MAGI1: variants seen among roughly 807,000 people sequenced by gnomAD.
MAGI1 encodes the protein membrane associated guanylate kinase, WW and PDZ domain containing 1, also known as membrane-associated guanylate kinase, WW and PDZ domain-containing protein 1.
In MAGI1, 58 loss-of-function variants were observed where a neutral mutation model predicts 139.9. That is an observed-to-expected ratio of 0.41 (90% confidence interval 0.34 to 0.52). The LOEUF (loss-of-function observed/expected upper bound fraction) is 0.52, where lower values mean the gene tolerates loss of function less well. Among genes scored for constraint, MAGI1 ranks in the 20% least tolerant of loss-of-function variants. The pLI, the probability that MAGI1 is intolerant of heterozygous loss-of-function variation, is 0.12. For synonymous variants in MAGI1, 812 were observed against 737.9 expected (o/e 1.10, Z -1.63); for missense variants, 1,874 against 1,901.6 (o/e 0.99, Z 0.27).
intron 22 of MAGI1, chr3:65,360,701 T>C (rs1196444912): frequency 2.0e-6 from 2 of 992,146 alleles, no homozygotes; most frequent in Non-Finnish European, 2.4e-6. Context: ...TGGAGAAGTG[T>C]TGTATACAGA....
At chr3:65,786,608 A>ATTT (rs34768515) in intron 1 of MAGI1, among the ~76,000 whole-genome samples, 26 of 128,366 alleles carry the variant, frequency 2.0e-4, no homozygotes, top group Admixed American at 2.6e-4. Flanking sequence ...TGGCCCAAGA[A>ATTT]TTTTTTTTTT....
intron 1 of MAGI1, among the ~76,000 whole-genome samples, chr3:65,906,885 TAAA>T (rs200434571): frequency 1.6e-5 from 2 of 126,902 alleles, no homozygotes. Context: ...GACTCTGTCT[TAAA>T]AAAAAAAAAA....
chr3:65,423,384 GCACA>G (rs71102855), intron 12 of MAGI1, among the ~76,000 whole-genome samples: 3 of 151,446 alleles, frequency 2.0e-5, no homozygotes, highest in Non-Finnish European at 2.9e-5. Context: ...GCACACACGC[GCACA>G]CACACACACA....
chr3:65,485,085 C>A (rs1951546028), intron 3 of MAGI1, among the ~76,000 whole-genome samples: 1 of 152,134 alleles, frequency 6.6e-6, no homozygotes, highest in South Asian at 2.1e-4. Flanking sequence ...AGCCTGGGAT[C>A]CTCCTAAAAA....
rs143441869 is a variant in MAGI1 at position 65,734,570 on chromosome 3, GGA to G, written c.314-112484_314-112483del. On this transcript the variant is annotated intron_variant, in intron 1 of 22. Transcript: ENST00000402939. ...GAAAGAGAGAAAGAAAGAGAGAGAG[GGA>G]GAGAGAGAGAGAGAGGGAGAGAGAG... is the stretch of plus-strand genomic sequence containing the variant. Among the ~76,000 whole-genome samples the G allele has an allele frequency of 8.5e-4, 124 of 145,960 alleles. 1 individual carries two copies. Among genetic ancestry groups the G allele is most frequent in the South Asian group, 1.5e-3 (7 of 4,558 alleles).
chr3:65,408,236 C>T (rs1945509970), intron 12 of MAGI1, among the ~76,000 whole-genome samples: 1 of 152,058 alleles, frequency 6.6e-6, no homozygotes, highest in African/African-American at 2.4e-5. Flanking sequence ...GTAAGAGCAG[C>T]ATATAAGTAG....
chr3:65,692,948 A>G (rs1351164551), intron 1 of MAGI1, among the ~76,000 whole-genome samples: 1 of 152,064 alleles, frequency 6.6e-6, no homozygotes, highest in Non-Finnish European at 1.5e-5. Context: ...GTCTCAACAG[A>G]GCAGACAGGG....
chr3:65,597,797 T>C (rs2082288781), intron 2 of MAGI1: 1 of 456,598 alleles, frequency 2.2e-6, no homozygotes, highest in Non-Finnish European at 4.4e-6. Flanking sequence ...GAGGAGATCA[T>C]GGACCACTTG....
At chr3:65,751,461 G>A (rs926936901) in intron 1 of MAGI1, among the ~76,000 whole-genome samples, 1 of 152,180 alleles carries the variant, frequency 6.6e-6, no homozygotes, top group Non-Finnish European at 1.5e-5. Context: ...TTATGATGTT[G>A]CATTGACCTT....
intron 8 of MAGI1, among the ~76,000 whole-genome samples, chr3:65,442,011 T>C (rs1379281567): frequency 6.6e-6 from 1 of 152,190 alleles, no homozygotes; most frequent in African/African-American, 2.4e-5. Context: ...TTATATGGCA[T>C]TTGCTTCTTT....
At chr3:65,834,228 T>C (rs2108307977) in intron 1 of MAGI1, among the ~76,000 whole-genome samples, 1 of 152,352 alleles carries the variant, frequency 6.6e-6, no homozygotes, top group East Asian at 1.9e-4. Flanking sequence ...AAGGCTACTT[T>C]AGATTGGGTA....
At chr3:65,523,278 A>C (rs1056268424) in intron 2 of MAGI1, among the ~76,000 whole-genome samples, 21 of 152,322 alleles carry the variant, frequency 1.4e-4, no homozygotes, top group African/African-American at 4.3e-4. Context: ...TTCAGATAAT[A>C]GGAATGTTTC....
At chr3:65,890,179 A>G (rs929441985) in intron 1 of MAGI1, among the ~76,000 whole-genome samples, 14 of 152,274 alleles carry the variant, frequency 9.2e-5, no homozygotes, top group Non-Finnish European at 2.1e-4. Flanking sequence ...CCTGGCTAAC[A>G]CAGTGAAACC....
At chr3:65,490,709 T>C (rs1425663442) in intron 3 of MAGI1, among the ~76,000 whole-genome samples, 7 of 151,438 alleles carry the variant, frequency 4.6e-5, no homozygotes, top group African/African-American at 1.7e-4. Flanking sequence ...CCGGGCACAG[T>C]GGCATGCACC....
intron 18 of MAGI1, among the ~76,000 whole-genome samples, chr3:65,374,580 A>G (rs1942322263): frequency 6.6e-6 from 1 of 152,180 alleles, no homozygotes; most frequent in African/African-American, 2.4e-5. Context: ...GGCCTGCCAA[A>G]GTGCTGGGAT....
chr3:66,027,922 C>T (rs1017472669), intron 1 of MAGI1, among the ~76,000 whole-genome samples: 7 of 152,190 alleles, frequency 4.6e-5, no homozygotes, highest in Non-Finnish European at 1.0e-4. Flanking sequence ...CCAGACGTTG[C>T]CAAATGTCCC....
At chr3:65,944,765 A>C (rs1005266336) in intron 1 of MAGI1, among the ~76,000 whole-genome samples, 2 of 152,192 alleles carry the variant, frequency 1.3e-5, no homozygotes, top group African/African-American at 4.8e-5. Context: ...TATATGTCTA[A>C]ATTTCATACT....
intron 1 of MAGI1, among the ~76,000 whole-genome samples, chr3:65,834,524 G>A (rs557735586): frequency 6.6e-6 from 1 of 152,316 alleles, no homozygotes; most frequent in East Asian, 1.9e-4. Context: ...TATACGATCT[G>A]TAGGTGCTTG....
intron 2 of MAGI1, among the ~76,000 whole-genome samples, chr3:65,509,771 G>GC (rs1310818598): frequency 1.1e-4 from 16 of 152,158 alleles, no homozygotes; most frequent in African/African-American, 3.9e-4. Flanking sequence ...AAACAAAGCA[G>GC]CTGGGAAGCT....
Sources: allele counts gnomAD v4.1 joint callset (sites outside exome capture counted in the v4.1 genomes callset), GRCh38; gene constraint gnomAD v4.1.1; transcripts MANE v1.5; gene names NCBI Gene and HGNC (gene_info 2026-07-23, HGNC 2026-07-21).